GRB14: variants seen among roughly 807,000 people sequenced by gnomAD.
GRB14 encodes the protein growth factor receptor bound protein 14.
In GRB14, 38 loss-of-function variants were observed where a neutral mutation model predicts 69.1. The observed-to-expected ratio is 0.55, with a 90% CI of 0.42 to 0.72. GRB14 has a LOEUF of 0.72. Among genes scored for constraint, GRB14 ranks in the 30% least tolerant of loss-of-function variants. The pLI is 0.00. For missense variants in GRB14, 666 were observed against 666.1 expected, an observed-to-expected ratio of 1.00 and a Z score of 0.00; for synonymous variants, 247 against 241.3, an observed-to-expected ratio of 1.02 and a Z score of -0.22.
chr2:164,594,530 T>C (rs1167480154), intron 2 of GRB14, among the ~76,000 whole-genome samples: 2 of 152,214 alleles, frequency 1.3e-5, no homozygotes, highest in Non-Finnish European at 2.9e-5. Context: ...CCCTATATTC[T>C]GTCTTATAAA....
At chr2:164,609,446 C>A (rs1010764016) in intron 2 of GRB14, among the ~76,000 whole-genome samples, 2 of 152,210 alleles carry the variant, frequency 1.3e-5, no homozygotes, top group Non-Finnish European at 2.9e-5. Flanking sequence ...CCCCAGCAAA[C>A]TTCCTGAAGG....
intron 3 of GRB14, among the ~76,000 whole-genome samples, chr2:164,538,491 G>T (rs1361855491): frequency 2.0e-5 from 3 of 152,178 alleles, no homozygotes; most frequent in Non-Finnish European, 4.4e-5. Flanking sequence ...GCAAAACCTG[G>T]TTTACTACAT....
At chr2:164,563,322 G>A (rs1157075261) in intron 2 of GRB14, among the ~76,000 whole-genome samples, 1 of 152,166 alleles carries the variant, frequency 6.6e-6, no homozygotes, top group Non-Finnish European at 1.5e-5. Context: ...TAGAGGAGAT[G>A]GCGAGTTACC....
chr2:164,522,858 C>T (rs1167034622), intron 5 of GRB14, among the ~76,000 whole-genome samples: 1 of 152,100 alleles, frequency 6.6e-6, no homozygotes, highest in Non-Finnish European at 1.5e-5. Context: ...CCTGTCATTG[C>T]TTTGACCCAT....
chr2:164,527,296 TGA>T (rs1471577105), intron 3 of GRB14, among the ~76,000 whole-genome samples, 161 bp from the exon 4 acceptor site: 2 of 149,592 alleles, frequency 1.3e-5, no homozygotes, highest in Non-Finnish European at 3.0e-5. Context: ...AACTTAATTA[TGA>T]GATAGCCAGA....
chr2:164,509,904 T>C (rs753233863), intron 6 of GRB14, among the ~76,000 whole-genome samples: 2 of 152,124 alleles, frequency 1.3e-5, no homozygotes, highest in African/African-American at 4.8e-5. Flanking sequence ...ACCGGTGTTA[T>C]TCCACCTCTG....
At position 164,621,053 on chromosome 2, in the gene GRB14, C is replaced by T. The variant is rs931553742; in HGVS notation, c.191+66G>A. ...GGGCACATGGCTCACCCCCTAGGAC[C>T]GCCTCCTCACCCCCTCGCCGGCTGC... On this transcript the variant is annotated intron_variant, in intron 1 of 13. Coordinates refer to ENST00000263915, the MANE Select transcript of GRB14 (RefSeq NM_004490.3). This position sits in a 1 kb window ranked among gnomAD's most constrained non-coding sequence, Gnocchi z 6.0. The T allele has an allele frequency of 7.4e-6, 9 of 1,218,036 alleles. No homozygotes were observed. The highest frequency in any genetic ancestry group is 9.3e-6 in the Non-Finnish European group (9 of 964,678). 75.5% of individuals were successfully genotyped at this position (1,218,036 alleles called of 1,614,324 possible). A position where few individuals can be genotyped will look rare whatever the true frequency, so the allele number is the denominator to read the frequency against.
chr2:164,494,511 G>T lies in GRB14; in HGVS notation c.1396C>A (p.Arg466=). 1.3e-6 allele frequency: 2 copies of T among 1,559,068 alleles called. No homozygotes were observed. The highest frequency in any genetic ancestry group is 1.8e-6 in the Non-Finnish European group (2 of 1,130,202). The change falls in exon 13 of 14, where the codon CGG becomes AGG. Residue 466 remains arginine (R), a synonymous_variant. Coordinates refer to ENST00000263915, the MANE Select transcript of GRB14 (RefSeq NM_004490.3). ...QGLVDGVFLV[R]DSQSNPKTFV... is the part of the protein sequence containing the mutation. Reference sequence around the variant, plus strand: ...GTTTTGGGGTTACTCTGACTATCCCGTACCAAGAAAACTCTAAAGAGAGAG... The same window carrying T: ...GTTTTGGGGTTACTCTGACTATCCCTTACCAAGAAAACTCTAAAGAGAGAG...
intron 2 of GRB14, among the ~76,000 whole-genome samples, chr2:164,613,705 T>A (rs1032957066): frequency 5.9e-5 from 9 of 152,210 alleles, no homozygotes; most frequent in African/African-American, 2.2e-4. Context: ...TGCTCCCAAT[T>A]TCAGCCTCTC....
Position 164,497,455 on chromosome 2 carries a change from G to A in GRB14, c.1140C>T (p.Asp380=). The A allele has an allele frequency of 6.2e-7, 1 of 1,612,612 alleles. No individual in the cohort carries two copies. The highest frequency in any genetic ancestry group is 8.5e-7 in the Non-Finnish European group (1 of 1,178,954). Reference sequence around the variant, plus strand: ...TAACTCTGCTTTTCTGGCCTGAGAAGTCCATTGCTACCAGGGAATTCTCTG... The same window carrying A: ...TAACTCTGCTTTTCTGGCCTGAGAAATCCATTGCTACCAGGGAATTCTCTG... The part of the protein sequence containing the change: ...SISENSLVAM[D]FSGQKSRVIE... Residue 380 remains aspartate, a synonymous_variant, in exon 10 of 14, where the codon GAC becomes GAT. Coordinates refer to ENST00000263915, the MANE Select transcript of GRB14 (RefSeq NM_004490.3).
At chr2:164,583,136 C>A (rs750852258) in intron 2 of GRB14, among the ~76,000 whole-genome samples, 10 of 152,202 alleles carry the variant, frequency 6.6e-5, no homozygotes, top group African/African-American at 1.2e-4. Flanking sequence ...CTTCTCTCAA[C>A]TTTCCCTTCA....
intron 6 of GRB14, among the ~76,000 whole-genome samples, chr2:164,517,143 C>T (rs1315139518): frequency 6.6e-6 from 1 of 152,138 alleles, no homozygotes; most frequent in East Asian, 1.9e-4. Context: ...GCCTCACAAT[C>T]ACAGCAGAAG....
chr2:164,514,227 T>C (rs939557333), intron 6 of GRB14, among the ~76,000 whole-genome samples: 2 of 152,168 alleles, frequency 1.3e-5, no homozygotes, highest in Non-Finnish European at 1.5e-5. Flanking sequence ...CAGCTCCCAC[T>C]CTGCGGAACA....
chr2:164,544,882 AAT>A (rs1688331984), intron 3 of GRB14, among the ~76,000 whole-genome samples: 1 of 152,212 alleles, frequency 6.6e-6, no homozygotes. Context: ...TGGTTCAGGG[AAT>A]GCATGTAGTG....
At chr2:164,528,166 G>C (rs1574274348) in intron 3 of GRB14, among the ~76,000 whole-genome samples, 1 of 152,026 alleles carries the variant, frequency 6.6e-6, no homozygotes, top group East Asian at 1.9e-4. Flanking sequence ...TAAGTAAGTG[G>C]GGGCATGAAC....
intron 6 of GRB14, among the ~76,000 whole-genome samples, chr2:164,516,312 G>T (rs1687484427): frequency 6.6e-6 from 1 of 151,804 alleles, no homozygotes; most frequent in Non-Finnish European, 1.5e-5. Flanking sequence ...GAGCTATGAG[G>T]CATAAGCATC....
chr2:164,551,460 C>A (rs1020477993), intron 2 of GRB14, among the ~76,000 whole-genome samples: 1 of 152,122 alleles, frequency 6.6e-6, no homozygotes, highest in East Asian at 1.9e-4. Context: ...TCCCTAGTCC[C>A]AGATGATGAT....
intron 2 of GRB14, among the ~76,000 whole-genome samples, chr2:164,610,554 A>T (rs1203537654): frequency 6.6e-6 from 1 of 152,116 alleles, no homozygotes; most frequent in Non-Finnish European, 1.5e-5. Flanking sequence ...AATTTTAAAA[A>T]ATAAAAATAT....
chr2:164,523,145 G>C (rs1687677689), intron 5 of GRB14, among the ~76,000 whole-genome samples: 3 of 151,954 alleles, frequency 2.0e-5, no homozygotes, highest in Non-Finnish European at 4.4e-5. Context: ...CTCTTAGAAG[G>C]GGACCTTCAA....
Sources: allele counts gnomAD v4.1 joint callset (sites outside exome capture counted in the v4.1 genomes callset), GRCh38; gene constraint gnomAD v4.1.1; non-coding constraint Gnocchi (gnomAD v3.1); transcripts MANE v1.5; gene names NCBI Gene and HGNC (gene_info 2026-07-23, HGNC 2026-07-21).